NOD1: variants seen among roughly 807,000 people sequenced by gnomAD.
The protein encoded by NOD1 is nucleotide binding oligomerization domain containing 1.
Under a neutral mutation model 81.2 loss-of-function variants are expected in NOD1, and 70 were observed. The observed-to-expected ratio is 0.86, with a 90% CI of 0.71 to 1.05. The LOEUF is 1.05. NOD1 is among the 50% of genes least tolerant of loss of function. The pLI is 0.00. For synonymous variants in NOD1, 508 were observed against 526.9 expected (o/e 0.96, Z 0.49); for missense variants, 1,233 against 1,228.0 (o/e 1.00, Z -0.06).
chr7:30,468,212 G>A (rs1453948256), intron 1 of NOD1, among the ~76,000 whole-genome samples: 1 of 152,102 alleles, frequency 6.6e-6, no homozygotes, highest in Middle Eastern at 3.2e-3. Context: ...GTTGCCAAAC[G>A]TTTCATTTCC....
intron 3 of NOD1, among the ~76,000 whole-genome samples, chr7:30,458,852 T>C (rs918168764): frequency 4.0e-5 from 6 of 151,418 alleles, no homozygotes; most frequent in African/African-American, 1.5e-4. Context: ...TTCTCCTGCA[T>C]CAGCCACCCG....
chr7:30,473,707 C>G (rs1788500520), intron 1 of NOD1, among the ~76,000 whole-genome samples: 1 of 151,986 alleles, frequency 6.6e-6, no homozygotes, highest in Admixed American at 6.6e-5. Flanking sequence ...GAAATATGGC[C>G]CTACACAGAG....
In NOD1 at chr7:30,437,643, G is replaced by C; in HGVS notation, c.2467C>G (p.Gln823Glu). 11 of 1,513,860 alleles carry C rather than the reference G, an allele frequency of 7.3e-6. No individual in the cohort carries two copies. The highest frequency in any genetic ancestry group is 9.6e-6 in the Non-Finnish European group (11 of 1,142,678). The allele number at this position is 1,513,860 out of a possible 1,614,324, so 93.8% of individuals were successfully genotyped here. A position where few individuals can be genotyped will look rare whatever the true frequency, so the allele number is the denominator to read the frequency against. ...GCTTTTGCTCCTTCATCCCCAACTT[G>C]ATTGCCCCACATCCTGAGGGAGGAG... ...SISEVGMWGNQVGDEGAKAFA... is the reference protein window; with the variant it reads ...SISEVGMWGNEVGDEGAKAFA... Residue 823 changes from glutamine (Q) to glutamate (E), a missense_variant, in exon 10 of 14, where the codon CAA becomes GAA. Physicochemically the swap from Gln to Glu is conservative, Grantham distance 29. Transcript: ENST00000222823.
chr7:30,473,318 C>T (rs186633857), intron 1 of NOD1, among the ~76,000 whole-genome samples: 36 of 152,284 alleles, frequency 2.4e-4, no homozygotes, highest in African/African-American at 8.2e-4. Flanking sequence ...GTACTTAGAA[C>T]AGACCACTGC....
At chr7:30,433,296 C>A in intron 11 of NOD1, 117 bp from the exon 12 acceptor site, 1 of 739,002 alleles carries the variant, frequency 1.4e-6, no homozygotes. Context: ...TGATCACTTG[C>A]TGAGAACCCA....
Position 30,437,614 on chromosome 7 carries a change from G to A in NOD1, c.2496C>T (p.Phe832=), listed in dbSNP as rs761011628. 25 of 1,511,234 alleles carry A rather than the reference G, an allele frequency of 1.7e-5. No homozygotes were observed. The highest frequency in any genetic ancestry group is 1.6e-4 in the African/African-American group (11 of 67,862). The allele number at this position is 1,511,234 out of a possible 1,614,324, so 93.6% of individuals were successfully genotyped here. A position where few individuals can be genotyped will look rare whatever the true frequency, so the allele number is the denominator to read the frequency against. Residue 832 remains phenylalanine, a synonymous_variant, in exon 10 of 14, where the codon TTC becomes TTT. Transcript: ENST00000222823. ...NQVGDEGAKA[F]AEALRNHPSL... ...TGGGGTGGTTCCGCAGAGCCTCTGCGAAGGCTTTTGCTCCTTCATCCCCAA... is the reference window on the plus strand; with the variant it reads ...TGGGGTGGTTCCGCAGAGCCTCTGCAAAGGCTTTTGCTCCTTCATCCCCAA...
chr7:30,438,812 ACCCC>A, intron 9 of NOD1, among the ~76,000 whole-genome samples: 1 of 152,170 alleles, frequency 6.6e-6, no homozygotes, highest in Non-Finnish European at 1.5e-5. Context: ...ATATAGTCTC[ACCCC>A]TACTATATTT....
intron 6 of NOD1, among the ~76,000 whole-genome samples, chr7:30,450,968 A>G (rs1412660708): frequency 2.0e-5 from 3 of 152,238 alleles, no homozygotes; most frequent in African/African-American, 7.2e-5. Context: ...TTCTTTTTCC[A>G]GATGAGGGCG....
At chr7:30,454,674 C>T (rs1786154177) in intron 5 of NOD1, among the ~76,000 whole-genome samples, 1 of 152,110 alleles carries the variant, frequency 6.6e-6, no homozygotes, top group Non-Finnish European at 1.5e-5. Context: ...ACTCTGTCAC[C>T]CAGGCTGGAG....
chr7:30,429,319 G>T, intron 13 of NOD1, 55 bp downstream of exon 13: 1 of 1,426,730 alleles, frequency 7.0e-7, no homozygotes, highest in Non-Finnish European at 9.9e-7. Flanking sequence ...CACAGTCAGT[G>T]GTGGTGAGTA....
At chr7:30,446,416 G>C in intron 8 of NOD1, 192 bp from the exon 9 acceptor site, 2 of 591,884 alleles carry the variant, frequency 3.4e-6, no homozygotes, top group Non-Finnish European at 6.0e-6. Context: ...GTCAGTCAGG[G>C]TTCCTCTCCA....
At chr7:30,475,575 C>T (rs929201820) in intron 1 of NOD1, among the ~76,000 whole-genome samples, 11 of 152,182 alleles carry the variant, frequency 7.2e-5, no homozygotes, top group African/African-American at 2.2e-4. Context: ...GGAACTCTGC[C>T]CCATTAGAGG....
chr7:30,447,015 C>G lies in NOD1; in HGVS notation c.2321G>C (p.Arg774Thr), dbSNP rs762396028. Reference sequence around the variant, plus strand: ...TTCATCCAGGATTTTGGTGACGTACCTGGCTCCGACATCGGTGATCTGGTT... The same window carrying G: ...TTCATCCAGGATTTTGGTGACGTACGTGGCTCCGACATCGGTGATCTGGTT... ...YNNQITDVGARYVTKILDECK... is the reference protein window; with the variant it reads ...YNNQITDVGATYVTKILDECK... The change falls in exon 8 of 14, where the codon AGG becomes ACG. Residue 774 changes from arginine (R) to threonine (T), a missense_variant. By Grantham distance (71) the Arg-to-Thr change is moderately conservative (BLOSUM62 -1). Transcript: ENST00000222823. 6.2e-7 allele frequency: 1 copy of G among 1,614,092 alleles called. No individual in the cohort carries two copies. The highest frequency in any genetic ancestry group is 1.3e-5 in the African/African-American group (1 of 74,940).
rs79897281 is a variant in NOD1, at chr7:30,439,037, C to G, written c.2454-1381G>C. 3.4e-3 allele frequency among the ~76,000 whole-genome samples: 525 copies of G among 152,272 alleles called. 4 individuals are homozygous for G. The highest frequency in any genetic ancestry group is 0.012 in the African/African-American group (492 of 41,540). On this transcript the variant is annotated intron_variant, in intron 9 of 13. Transcript: ENST00000222823. Reference sequence around the variant, plus strand: ...CTCAAGAATCAAAACCACAATGAGACAGGACCTCACACTCATTAGGATGGG... The same window carrying G: ...CTCAAGAATCAAAACCACAATGAGAGAGGACCTCACACTCATTAGGATGGG...
rs1785695607 is a variant in NOD1, at chr7:30,451,458, G to C, written c.1959C>G (p.Ile653Met). The C allele has an allele frequency of 1.2e-6, 2 of 1,613,542 alleles. No homozygotes were observed. The highest frequency in any genetic ancestry group is 1.7e-6 in the Non-Finnish European group (2 of 1,180,016). Residue 653 changes from isoleucine (I) to methionine (M), a missense_variant, in exon 6 of 14, where the codon ATC (isoleucine) becomes ATG (methionine). Transcript: ENST00000222823. The surrounding 1 kb of genome is among the most constrained non-coding windows in gnomAD (Gnocchi z 4.2). ...TCTCGTAGATGCAGCGCAGCATCCA[G>C]ATGAACGTGGGCATGGCCTGCACCT... ...FNQVQAMPTF[I>M]WMLRCIYETQ... is the part of the protein sequence containing the mutation.
At chr7:30,460,661 A>C (rs757844203) in intron 1 of NOD1, 32 of 985,308 alleles carry the variant, frequency 3.2e-5, no homozygotes, top group Non-Finnish European at 3.9e-5. Context: ...TGAGTCCACC[A>C]CCAAAAGCCA....
At chr7:30,476,686 G>A (rs563072607) in intron 1 of NOD1, among the ~76,000 whole-genome samples, 2 of 152,320 alleles carry the variant, frequency 1.3e-5, no homozygotes, top group East Asian at 3.9e-4. Flanking sequence ...ATTAAGAACA[G>A]CTTTTGAGTG....
At chr7:30,455,434 C>A in intron 4 of NOD1, 123 bp from the exon 5 acceptor site, 1 of 674,616 alleles carries the variant, frequency 1.5e-6, no homozygotes. Context: ...CTATGCCATC[C>A]CCCCAGCTGC....
intron 9 of NOD1, among the ~76,000 whole-genome samples, chr7:30,445,173 A>G (rs1487713387): frequency 1.2e-4 from 11 of 91,178 alleles, no homozygotes; most frequent in African/African-American, 5.9e-4. Flanking sequence ...ATGACACATT[A>G]GTGGGTGCAG....
Sources: allele counts gnomAD v4.1 joint callset (sites outside exome capture counted in the v4.1 genomes callset), GRCh38; gene constraint gnomAD v4.1.1; non-coding constraint Gnocchi (gnomAD v3.1); transcripts MANE v1.5; gene names NCBI Gene and HGNC (gene_info 2026-07-23, HGNC 2026-07-21).